The following KCNH1 variants were observed in gnomAD, a reference collection of about 807,000 sequenced individuals.
KCNH1 encodes the protein voltage-gated delayed rectifier potassium channel KCNH1.
A neutral mutation model predicts 69.2 loss-of-function variants in KCNH1; 27 were observed. The observed-to-expected ratio is 0.39, with a 90% confidence interval of 0.29 to 0.54. The LOEUF (loss-of-function observed/expected upper bound fraction) is 0.54, where lower values mean the gene tolerates loss of function less well. Ranked by LOEUF, KCNH1 falls within the 20% of genes least tolerant of loss-of-function variation. The probability of loss-of-function intolerance (pLI) is 0.68; values close to 1 mark genes in which losing one functional copy is unlikely to be tolerated. For synonymous variants in KCNH1, 456 were observed against 487.7 expected, an observed-to-expected ratio of 0.93 and a Z score of 0.86; for missense variants, 798 against 1,261.6, an observed-to-expected ratio of 0.63 and a Z score of 5.57.
chr1:211,059,624 TC>T (rs1690391399), intron 5 of KCNH1, among the ~76,000 whole-genome samples: 1 of 151,882 alleles, frequency 6.6e-6, no homozygotes, highest in African/African-American at 2.4e-5. Context: ...GCACCTGTAG[TC>T]CCAGCTACTC....
intron 10 of KCNH1, among the ~76,000 whole-genome samples, chr1:210,694,704 G>A (rs1681600821): frequency 6.6e-6 from 1 of 152,160 alleles, no homozygotes; most frequent in African/African-American, 2.4e-5. Flanking sequence ...TCCATTCTTT[G>A]ACCAAACCTA....
At chr1:211,109,819 A>T (rs72741105) in intron 1 of KCNH1, among the ~76,000 whole-genome samples, 4 of 150,530 alleles carry the variant, frequency 2.7e-5, no homozygotes, top group South Asian at 2.1e-4. Context: ...GAAGAACTTT[A>T]AAAAAAAAAT....
intron 3 of KCNH1, among the ~76,000 whole-genome samples, chr1:211,103,244 A>G (rs1162204373): frequency 6.6e-6 from 1 of 152,210 alleles, no homozygotes; most frequent in Non-Finnish European, 1.5e-5. Context: ...AGGAAAAAAC[A>G]CTAAGTCTCA....
At chr1:210,721,410 G>A (rs1181666853) in intron 10 of KCNH1, among the ~76,000 whole-genome samples, 1 of 152,124 alleles carries the variant, frequency 6.6e-6, no homozygotes, top group Non-Finnish European at 1.5e-5. Context: ...GCAGTTGGTG[G>A]TTTGGGTTAA....
At position 211,098,350 on chromosome 1, in the gene KCNH1, A is replaced by C. The variant is rs530468415; in HGVS notation, c.310+5146T>G. Among the ~76,000 whole-genome samples the C allele has an allele frequency of 1.8e-3, 276 of 152,040 alleles. 1 individual carries two copies. Among genetic ancestry groups the C allele is most frequent in the African/African-American group, 6.5e-3 (270 of 41,462 alleles). Reference sequence around the variant, plus strand: ...AAAAAAAAAAAAGAAAGAAAAGAAAATCATACAGCATACTAAACATTAGGC... The same window carrying C: ...AAAAAAAAAAAAGAAAGAAAAGAAACTCATACAGCATACTAAACATTAGGC... On this transcript the variant is annotated intron_variant, in intron 3 of 10. Transcript: ENST00000271751.
At position 211,019,978 on chromosome 1, in the gene KCNH1, A is replaced by G. The variant is rs928496208; in HGVS notation, c.559-722T>C. ...ATGAAAATGAAAACATAACATAACAAAAACCTATGGGATACAGCACAAGAA... is the reference window on the plus strand; with the variant it reads ...ATGAAAATGAAAACATAACATAACAGAAACCTATGGGATACAGCACAAGAA... On this transcript the variant is annotated intron_variant, in intron 5 of 10. Transcript: ENST00000271751. 2.0e-5 allele frequency among the ~76,000 whole-genome samples: 3 copies of G among 152,128 alleles called. No individual in the cohort carries two copies. In the East Asian group the frequency reaches 5.8e-4, roughly 29 times the overall value.
chr1:210,803,993 T>C lies in KCNH1; in HGVS notation c.1636A>G (p.Met546Val). ...VMDYIVSTWS[M>V]SRGIDTEKVL... ...TTCTCTGTGTCAATGCCTCTGGACA[T>C]GGACCAAGTGGACACAATATAATCC... The change falls in exon 8 of 11, where the codon ATG becomes GTG. Residue 546 changes from methionine (M) to valine (V), a missense_variant. Coordinates refer to ENST00000271751, the MANE Select transcript of KCNH1 (RefSeq NM_172362.3). 2 of 1,614,188 alleles carry C rather than the reference T, an allele frequency of 1.2e-6. No individual in the cohort carries two copies. Among genetic ancestry groups the C allele is most frequent in the Non-Finnish European group, 8.5e-7 (1 of 1,180,022 alleles).
At chr1:210,987,612 G>A (rs182602253) in intron 6 of KCNH1, among the ~76,000 whole-genome samples, 15 of 152,206 alleles carry the variant, frequency 9.9e-5, no homozygotes, top group African/African-American at 2.9e-4. Context: ...TTGGTGAACC[G>A]CAAATGCTGC....
intron 5 of KCNH1, among the ~76,000 whole-genome samples, chr1:211,061,003 CA>C (rs1253831288): frequency 6.6e-6 from 1 of 151,940 alleles, no homozygotes. Context: ...AAAGATACAT[CA>C]AAAAAAGACA....
intron 5 of KCNH1, among the ~76,000 whole-genome samples, chr1:211,036,891 A>T (rs2102428219): frequency 6.6e-6 from 1 of 152,240 alleles, no homozygotes; most frequent in East Asian, 1.9e-4. Flanking sequence ...CTCCTAGGAT[A>T]ATGTCACTAG....
intron 7 of KCNH1, among the ~76,000 whole-genome samples, chr1:210,856,720 C>CCCCA (rs781130849): frequency 0.01 from 1,553 of 148,038 alleles, 13 homozygotes; most frequent in South Asian, 0.018. Context: ...GGTAATGGTT[C>CCCCA]TTACCCAGAG....
At chr1:210,984,868 C>T (rs1459709718) in intron 6 of KCNH1, among the ~76,000 whole-genome samples, 3 of 152,116 alleles carry the variant, frequency 2.0e-5, no homozygotes, top group Non-Finnish European at 2.9e-5. Context: ...GGTACCAGCT[C>T]CTCTTTGTAC....
chr1:210,927,303 G>A (rs774632193), intron 6 of KCNH1, among the ~76,000 whole-genome samples: 2 of 152,190 alleles, frequency 1.3e-5, no homozygotes, highest in South Asian at 4.1e-4. Context: ...CTTAAGACCT[G>A]TGAGGCAAAA....
intron 7 of KCNH1, among the ~76,000 whole-genome samples, chr1:210,820,009 A>C (rs1009107219): frequency 3.9e-5 from 6 of 152,244 alleles, no homozygotes; most frequent in Admixed American, 1.3e-4. Flanking sequence ...GTGCCTTCAG[A>C]TAACAGAAGC....
At chr1:210,875,181 A>G (rs540397786) in intron 7 of KCNH1, among the ~76,000 whole-genome samples, 1 of 152,372 alleles carries the variant, frequency 6.6e-6, no homozygotes, top group Admixed American at 6.5e-5. Flanking sequence ...ACCAAGATTT[A>G]AAAAGCAATG....
chr1:210,742,144 C>CA lies in KCNH1; in HGVS notation c.2112+33203dup, dbSNP rs1397270879. ...TTGAGTCACAGAAAGGCAGAGAACA[C>CA]AAAAAACAATAAATAAAAGGACAAC... On this transcript the variant is annotated intron_variant, in intron 10 of 10. Coordinates refer to ENST00000271751, the MANE Select transcript of KCNH1 (RefSeq NM_172362.3). 5.9e-5 allele frequency among the ~76,000 whole-genome samples: 9 copies of CA among 152,086 alleles called. No homozygotes were observed. The East Asian group carries it at 9.6e-4, about 16-fold the overall frequency.
At chr1:211,120,164 A>T (rs369496782) in intron 1 of KCNH1, among the ~76,000 whole-genome samples, 95 of 152,030 alleles carry the variant, frequency 6.2e-4, no homozygotes, top group African/African-American at 2.2e-3. Flanking sequence ...TAATCAATCC[A>T]TTGAATTGAT....
intron 5 of KCNH1, among the ~76,000 whole-genome samples, chr1:211,033,459 G>A (rs113790421): frequency 0.098 from 14,833 of 152,096 alleles, 877 homozygotes; most frequent in East Asian, 0.25. Context: ...AAAGACACAT[G>A]CACACATATG....
chr1:211,109,244 A>G (rs1691416016), intron 1 of KCNH1, among the ~76,000 whole-genome samples: 1 of 152,222 alleles, frequency 6.6e-6, no homozygotes, highest in Non-Finnish European at 1.5e-5. Flanking sequence ...GCATGGCAGC[A>G]TGGAACACAG....
Sources: allele counts gnomAD v4.1 joint callset (sites outside exome capture counted in the v4.1 genomes callset), GRCh38; gene constraint gnomAD v4.1.1; transcripts MANE v1.5; gene names NCBI Gene and HGNC (gene_info 2026-07-23, HGNC 2026-07-21).